Variants in DYM observed in about 807,000 individuals in gnomAD.
The protein encoded by DYM is dyggve-Melchior-Clausen syndrome protein.
A neutral mutation model predicts 93.1 loss-of-function variants in DYM; 78 were observed. That is an observed-to-expected ratio of 0.84 (90% CI 0.70 to 1.01). DYM has a LOEUF of 1.01. Ranked by LOEUF, DYM falls within the 50% of genes least tolerant of loss-of-function variation. The pLI is 0.00. For missense variants in DYM, 789 were observed against 845.0 expected, an observed-to-expected ratio of 0.93 and a Z score of 0.82; for synonymous variants, 321 against 319.7, an observed-to-expected ratio of 1.00 and a Z score of -0.04.
chr18:49,064,148 TATAGAATCCTAC>T (rs2076211765), intron 17 of DYM, among the ~76,000 whole-genome samples: 1 of 152,222 alleles, frequency 6.6e-6, no homozygotes, highest in African/African-American at 2.4e-5. Context: ...TATAAACCTA[TATAGAATCCTAC>T]ATGAAACTGA....
intron 16 of DYM, among the ~76,000 whole-genome samples, chr18:49,106,533 G>C (rs990447642): frequency 2.6e-5 from 4 of 152,204 alleles, no homozygotes; most frequent in Non-Finnish European, 5.9e-5. Context: ...AGTTTTTGCA[G>C]TGGCTGGTAC....
intron 14 of DYM, among the ~76,000 whole-genome samples, chr18:49,183,664 T>G (rs1021871312): frequency 1.3e-5 from 2 of 152,142 alleles, no homozygotes; most frequent in Non-Finnish European, 1.5e-5. Flanking sequence ...TGCCTGTACA[T>G]TTAACAGGGT....
intron 2 of DYM, chr18:49,411,967 T>A (rs763768915): frequency 4.6e-5 from 7 of 152,138 alleles, no homozygotes; most frequent in Non-Finnish European, 8.8e-5. Flanking sequence ...ATTCAGTGGT[T>A]AAACTGTGGG....
chr18:49,044,563 T>C (rs1202519138), intron 17 of DYM, among the ~76,000 whole-genome samples: 1 of 152,180 alleles, frequency 6.6e-6, no homozygotes, highest in African/African-American at 2.4e-5. Flanking sequence ...TTCCCCAGAG[T>C]GCAATGCTAG....
chr18:49,272,184 A>T lies in DYM; in HGVS notation c.1245T>A (p.His415Gln). The change falls in exon 11 of 18, where the codon CAT becomes CAA. Residue 415 changes from histidine to glutamine, a missense_variant. Physicochemically the swap from His to Gln is conservative, Grantham distance 24. Coordinates refer to ENST00000675505, the MANE Select transcript of DYM (RefSeq NM_001353214.3). ...TEDDGFNRSI[H>Q]EVILKNITWY... ...CCAAGTAATGGTAACTTACCACTTCATGAATGGATCTGTTGAAGCCATCAT... is the reference window on the plus strand; with the variant it reads ...CCAAGTAATGGTAACTTACCACTTCTTGAATGGATCTGTTGAAGCCATCAT... 1 of 1,612,254 alleles carries T rather than the reference A, an allele frequency of 6.2e-7. No homozygotes were observed. Among genetic ancestry groups the T allele is most frequent in the Non-Finnish European group, 8.5e-7 (1 of 1,178,624 alleles).
At chr18:49,437,251 C>A (rs1259118227) in intron 1 of DYM, among the ~76,000 whole-genome samples, 1 of 152,150 alleles carries the variant, frequency 6.6e-6, no homozygotes. Flanking sequence ...AACATATGTT[C>A]AACCCCTTTT....
intron 1 of DYM, among the ~76,000 whole-genome samples, chr18:49,431,155 G>T (rs2080286501): frequency 6.6e-6 from 1 of 152,218 alleles, no homozygotes; most frequent in South Asian, 2.1e-4. Context: ...TAATTACCAT[G>T]TGCTACTTCT....
chr18:49,367,399 C>A (rs528927536), intron 5 of DYM, among the ~76,000 whole-genome samples: 1 of 152,066 alleles, frequency 6.6e-6, no homozygotes, highest in African/African-American at 2.4e-5. Context: ...ATAATCTATA[C>A]CCAAAATTAA....
At position 49,040,752 on chromosome 18, in the gene DYM, T is replaced by G. The variant is rs992373855; in HGVS notation, c.*3303A>C. The stretch of plus-strand genomic sequence containing the variant: ...TGAAGTATCAGCAAGTGCCAAAAAT[T>G]TATGGCTCTGCAAAAAAGCACAGGG... On this transcript the variant is annotated 3_prime_UTR_variant, in exon 18 of 18. Coordinates refer to ENST00000675505, the MANE Select transcript of DYM (RefSeq NM_001353214.3). 2.6e-5 allele frequency among the ~76,000 whole-genome samples: 4 copies of G among 152,142 alleles called. No individual in the cohort carries two copies. The highest frequency in any genetic ancestry group is 2.6e-4 in the Admixed American group (4 of 15,282).
intron 2 of DYM, among the ~76,000 whole-genome samples, chr18:49,425,077 C>T (rs894666620): frequency 6.6e-6 from 1 of 152,148 alleles, no homozygotes; most frequent in Non-Finnish European, 1.5e-5. Context: ...AAAGAGCCCG[C>T]ATTGCCAAGT....
chr18:49,114,524 CTT>C, intron 16 of DYM: 1 of 981,766 alleles, frequency 1.0e-6, no homozygotes, highest in Non-Finnish European at 1.2e-6. Flanking sequence ...GTCCTTTCTA[CTT>C]CCTCACCTCC....
chr18:49,317,627 C>CCTAT (rs2062085765), intron 8 of DYM, among the ~76,000 whole-genome samples: 8 of 24,404 alleles, frequency 3.3e-4, no homozygotes, highest in African/African-American at 4.3e-4. Flanking sequence ...CTCCCTCCCT[C>CCTAT]CCTCTCCTAT....
chr18:49,164,170 G>C (rs193100514), intron 14 of DYM, among the ~76,000 whole-genome samples: 2 of 152,256 alleles, frequency 1.3e-5, no homozygotes, highest in East Asian at 1.9e-4. Context: ...TTCTGAAAAA[G>C]TGTGTTGGAC....
intron 9 of DYM, 110 bp downstream of exon 9, chr18:49,286,324 A>G (rs1007451789): frequency 7.8e-7 from 1 of 1,284,492 alleles, no homozygotes; most frequent in African/African-American, 1.5e-5. Flanking sequence ...TTTGACCAAT[A>G]TGAAAACATA....
chr18:49,280,387 T>A (rs779898295), intron 10 of DYM, among the ~76,000 whole-genome samples: 4 of 152,066 alleles, frequency 2.6e-5, no homozygotes, highest in Non-Finnish European at 5.9e-5. Flanking sequence ...GTGGGTGGGA[T>A]ATTTGGGCAG....
chr18:49,244,606 T>G (rs1353178566), intron 13 of DYM, among the ~76,000 whole-genome samples: 1 of 151,914 alleles, frequency 6.6e-6, no homozygotes, highest in Non-Finnish European at 1.5e-5. Flanking sequence ...TTTAGTTTCT[T>G]CATTATAAAA....
chr18:49,125,960 T>C (rs2082780232), intron 15 of DYM, among the ~76,000 whole-genome samples: 1 of 152,242 alleles, frequency 6.6e-6, no homozygotes, highest in Non-Finnish European at 1.5e-5. Flanking sequence ...ACAACCTGGC[T>C]TAAAGCCTTC....
rs142608802 is a variant in DYM, at chr18:49,097,410, T to C, written c.2017A>G (p.Arg673Gly). The change falls in exon 17 of 18, where the codon AGA (arginine) becomes GGA (glycine). Residue 673 changes from arginine (R) to glycine (G), a missense_variant. By Grantham distance (125) the Arg-to-Gly change is moderately radical (BLOSUM62 -2). Around this residue, in one of 3 missense-constraint regions of DYM, gnomAD observed 114 missense variants for 105.8 expected, o/e 1.08. Coordinates refer to ENST00000675505, the MANE Select transcript of DYM (RefSeq NM_001353214.3). ...TTCTTTAGCCTTCTTACCTTCAGTC[T>C]GTCTTTGGGCAGCGCAACGACGCCT... Reference protein sequence around the residue: ...KQGVVALPKDRLKKFPELKFK... With the variant: ...KQGVVALPKDGLKKFPELKFK... The C allele has an allele frequency of 3.1e-4, 508 of 1,613,838 alleles. No homozygotes were observed. Among genetic ancestry groups the C allele is most frequent in the Non-Finnish European group, 4.1e-4 (483 of 1,179,874 alleles).
At chr18:49,176,535 T>A (rs2089397210) in intron 14 of DYM, among the ~76,000 whole-genome samples, 1 of 151,286 alleles carries the variant, frequency 6.6e-6, no homozygotes, top group East Asian at 1.9e-4. Flanking sequence ...TTCAGCCTCC[T>A]GAATAGCTGG....
Sources: allele counts gnomAD v4.1 joint callset (sites outside exome capture counted in the v4.1 genomes callset), GRCh38; gene constraint gnomAD v4.1.1; regional missense constraint gnomAD v4.1.1; transcripts MANE v1.5; gene names NCBI Gene and HGNC (gene_info 2026-07-23, HGNC 2026-07-21).